The following PDE11A variants were observed in gnomAD, a reference collection of about 807,000 sequenced individuals.
The protein encoded by PDE11A is dual 3',5'-cyclic-AMP and -GMP phosphodiesterase 11A.
PDE11A carries 100 observed loss-of-function variants against 100.5 expected under a neutral mutation model. The ratio of observed to expected loss-of-function variants is 1.00; its 90% CI spans 0.85 to 1.18. PDE11A has a LOEUF of 1.18. Among genes scored for constraint, PDE11A ranks in the 50% most tolerant of loss-of-function variants. PDE11A has a pLI of 0.00. For missense variants in PDE11A, 1,141 were observed against 1,152.6 expected (o/e 0.99, Z 0.15); for synonymous variants, 381 against 420.8 (o/e 0.91, Z 1.16).
intron 6 of PDE11A, 37 bp downstream of exon 6, chr2:177,840,214 T>C (rs767537253): frequency 6.2e-7 from 1 of 1,610,850 alleles, no homozygotes; most frequent in African/African-American, 1.3e-5. Flanking sequence ...GTGCGACAAC[T>C]GAAACTTAGG....
chr2:178,038,761 C>T (rs905167229), intron 1 of PDE11A: 6 of 152,148 alleles, frequency 3.9e-5, no homozygotes, highest in African/African-American at 1.4e-4. Context: ...ATCAGGTGGC[C>T]ATGAGGGGAA....
intron 2 of PDE11A, among the ~76,000 whole-genome samples, chr2:177,931,222 T>C (rs577641348): frequency 1.3e-5 from 2 of 152,330 alleles, no homozygotes; most frequent in East Asian, 3.9e-4. Flanking sequence ...TTTTCTTTTG[T>C]TGTCAACGTT....
At chr2:177,981,384 G>A (rs148817057) in intron 2 of PDE11A, among the ~76,000 whole-genome samples, 4 of 150,632 alleles carry the variant, frequency 2.7e-5, no homozygotes, top group African/African-American at 9.7e-5. Context: ...CTCCCTTTGA[G>A]ACTGTAAAGG....
At chr2:178,075,551 CAAAAAAAAAAAAA>C (rs397756518), upstream of PDE11A, among the ~76,000 whole-genome samples, 6 of 47,854 alleles carry the variant, frequency 1.3e-4, no homozygotes, top group African/African-American at 2.6e-4. Flanking sequence ...GACTCTGTCT[CAAAAAAAAAAAAA>C]AAAAAAAAAA....
intron 15 of PDE11A, among the ~76,000 whole-genome samples, chr2:177,689,176 G>A (rs553031215): frequency 5.3e-4 from 81 of 152,138 alleles, no homozygotes; most frequent in African/African-American, 1.4e-3. Flanking sequence ...TCCTCCTCTC[G>A]GGTTCAAGAG....
At chr2:177,993,969 T>G (rs1332973851) in intron 2 of PDE11A, among the ~76,000 whole-genome samples, 2 of 143,760 alleles carry the variant, frequency 1.4e-5, no homozygotes, top group Non-Finnish European at 3.0e-5. Context: ...AGAGTCTCAC[T>G]CTGTTGCCCA....
intron 10 of PDE11A, among the ~76,000 whole-genome samples, chr2:177,763,570 G>C (rs10427227): frequency 4.6e-5 from 7 of 152,174 alleles, no homozygotes; most frequent in African/African-American, 1.2e-4. Context: ...CTGCCCTGAG[G>C]GGGAGGAGCT....
chr2:177,956,517 C>G (rs2085564804), intron 2 of PDE11A, among the ~76,000 whole-genome samples: 1 of 152,162 alleles, frequency 6.6e-6, no homozygotes, highest in African/African-American at 2.4e-5. Context: ...CCTCAGGGAT[C>G]TAGAACTAGA....
At chr2:177,722,983 T>G (rs1266364886) in intron 12 of PDE11A, 5 of 152,194 alleles carry the variant, frequency 3.3e-5, no homozygotes, top group Non-Finnish European at 5.9e-5. Context: ...TAACTTCCAG[T>G]GTTACAGTCT....
In PDE11A at chr2:178,070,577, T is replaced by A. The variant is rs1288942615; in HGVS notation, c.912+949A>T. Among the ~76,000 whole-genome samples, 4 of 152,184 alleles carry A rather than the reference T, an allele frequency of 2.6e-5. No individual in the cohort carries two copies. The East Asian group carries it at 7.7e-4, about 29-fold the overall frequency. The stretch of plus-strand genomic sequence containing the variant: ...TGAAGAAGTCTCATAGAAAATAACA[T>A]CAAGTCTCATCATATTCAGTGAATA... On this transcript the variant is annotated intron_variant, in intron 1 of 19. Coordinates refer to ENST00000286063, the MANE Select transcript of PDE11A (RefSeq NM_016953.4).
intron 19 of PDE11A, among the ~76,000 whole-genome samples, chr2:177,640,429 G>A (rs2080123896): frequency 6.6e-6 from 1 of 152,234 alleles, no homozygotes; most frequent in African/African-American, 2.4e-5. Flanking sequence ...AAGAGAACAT[G>A]CAAATGGTGG....
rs576993412 is a variant in PDE11A at position 178,055,432 on chromosome 2, G to T, written c.912+16094C>A. ...TTAACGGGTGCAGCACACCAACGTG[G>T]CACATGTGTACATATGTAACAAACC... On this transcript the variant is annotated intron_variant, in intron 1 of 19. Coordinates refer to ENST00000286063, the MANE Select transcript of PDE11A (RefSeq NM_016953.4). 2.0e-5 allele frequency among the ~76,000 whole-genome samples: 3 copies of T among 152,192 alleles called. No homozygotes were observed. In the South Asian group the frequency reaches 6.2e-4, roughly 32 times the overall value.
At chr2:177,993,360 T>C (rs985824551) in intron 2 of PDE11A, among the ~76,000 whole-genome samples, 1 of 149,200 alleles carries the variant, frequency 6.7e-6, no homozygotes, top group East Asian at 1.9e-4. Context: ...AACCTCTTTA[T>C]TTTTCTTCTT....
chr2:177,689,957 G>C (rs2081019120), intron 15 of PDE11A, among the ~76,000 whole-genome samples: 1 of 152,186 alleles, frequency 6.6e-6, no homozygotes, highest in African/African-American at 2.4e-5. Context: ...GCTGCTAGAT[G>C]TTGCTGCCTT....
intron 13 of PDE11A, among the ~76,000 whole-genome samples, chr2:177,710,362 G>T (rs552593021): frequency 6.6e-6 from 1 of 151,978 alleles, no homozygotes; most frequent in Non-Finnish European, 1.5e-5. Context: ...TGAGTGGTGC[G>T]GGGGAGGCGG....
intron 9 of PDE11A, among the ~76,000 whole-genome samples, chr2:177,784,521 A>G (rs1052113090): frequency 6.6e-6 from 1 of 152,164 alleles, no homozygotes; most frequent in African/African-American, 2.4e-5. Flanking sequence ...AAAAATAACC[A>G]TAAGTATAGT....
intron 2 of PDE11A, among the ~76,000 whole-genome samples, chr2:177,948,115 C>T (rs2085466824): frequency 6.6e-6 from 1 of 151,886 alleles, no homozygotes; most frequent in Non-Finnish European, 1.5e-5. Flanking sequence ...TTTAATATAA[C>T]ATGAAAATCC....
chr2:177,899,333 G>A (rs2084663470), intron 3 of PDE11A, among the ~76,000 whole-genome samples: 1 of 152,120 alleles, frequency 6.6e-6, no homozygotes, highest in Admixed American at 6.5e-5. Flanking sequence ...CTTGAACCCA[G>A]GGAGCAGAGG....
chr2:178,064,410 A>G (rs1020500297), intron 1 of PDE11A, among the ~76,000 whole-genome samples: 1 of 152,202 alleles, frequency 6.6e-6, no homozygotes, highest in African/African-American at 2.4e-5. Context: ...TAACTTGAAG[A>G]GAATAAGGGA....
Sources: gnomAD v4.1 joint callset for allele counts (sites outside exome capture counted in the v4.1 genomes callset) on GRCh38, gnomAD v4.1.1 for gene constraint, MANE v1.5 for transcripts, NCBI Gene and HGNC (gene_info 2026-07-23, HGNC 2026-07-21) for gene names.